Variants in CERS6 observed in about 807,000 individuals in gnomAD.
CERS6 encodes ceramide synthase 6, also known as LAG1 homolog, ceramide synthase 6.
In CERS6, 26 loss-of-function variants were observed where a neutral mutation model predicts 56.8. That is an observed-to-expected ratio of 0.46 (90% CI 0.34 to 0.63). CERS6 has a LOEUF of 0.63. Among genes scored for constraint, CERS6 ranks in the 30% least tolerant of loss-of-function variants. CERS6 has a pLI of 0.01. For synonymous variants in CERS6, 164 were observed against 173.3 expected (o/e 0.95, Z 0.42); for missense variants, 415 against 467.5 (o/e 0.89, Z 1.04).
chr2:168,581,642 C>T (rs1431696248), intron 3 of CERS6, among the ~76,000 whole-genome samples: 1 of 151,886 alleles, frequency 6.6e-6, no homozygotes, highest in Non-Finnish European at 1.5e-5. Flanking sequence ...TTTTAAAAAC[C>T]TGCTTGTTCA....
At chr2:168,747,561 A>G (rs1684143252) in intron 8 of CERS6, among the ~76,000 whole-genome samples, 1 of 152,204 alleles carries the variant, frequency 6.6e-6, no homozygotes, top group South Asian at 2.1e-4. Context: ...CTGGATATAT[A>G]TAGCCAAATT....
At chr2:168,643,885 A>G (rs1448871650) in intron 4 of CERS6, among the ~76,000 whole-genome samples, 1 of 152,188 alleles carries the variant, frequency 6.6e-6, no homozygotes, top group East Asian at 1.9e-4. Context: ...CATATAAGGT[A>G]ACATTCACAA....
intron 3 of CERS6, among the ~76,000 whole-genome samples, chr2:168,602,238 A>T (rs1229412924): frequency 6.6e-6 from 1 of 152,214 alleles, no homozygotes; most frequent in Non-Finnish European, 1.5e-5. Flanking sequence ...AGATCAAGTG[A>T]TATTAAAAAT....
intron 1 of CERS6, among the ~76,000 whole-genome samples, chr2:168,514,874 G>A (rs937111910): frequency 3.9e-5 from 6 of 152,146 alleles, no homozygotes; most frequent in Non-Finnish European, 8.8e-5. Context: ...TGAAGAAGTT[G>A]AATCATATAG....
intron 8 of CERS6, among the ~76,000 whole-genome samples, chr2:168,735,509 C>A (rs1574204151): frequency 6.6e-6 from 1 of 152,082 alleles, no homozygotes; most frequent in East Asian, 1.9e-4. Context: ...TGAGTGTGAT[C>A]CTTGGACATG....
chr2:168,706,826 A>G (rs1258708046), intron 6 of CERS6, among the ~76,000 whole-genome samples: 1 of 152,192 alleles, frequency 6.6e-6, no homozygotes, highest in Non-Finnish European at 1.5e-5. Context: ...ATGTGACTCT[A>G]AGGCAGGGCA....
chr2:168,617,461 T>C (rs1368910483), intron 3 of CERS6, among the ~76,000 whole-genome samples: 1 of 151,926 alleles, frequency 6.6e-6, no homozygotes, highest in Non-Finnish European at 1.5e-5. Context: ...TTTGGAAAGA[T>C]AAAGAAAATT....
At chr2:168,704,811 G>C (rs979588965) in intron 6 of CERS6, among the ~76,000 whole-genome samples, 1 of 152,238 alleles carries the variant, frequency 6.6e-6, no homozygotes, top group Non-Finnish European at 1.5e-5. Context: ...TGTTAGCCAG[G>C]ATGGTCTCGA....
At chr2:168,765,538 T>A (rs1372239814) in intron 8 of CERS6, 54 bp from the exon 9 acceptor site, 1 of 1,585,726 alleles carries the variant, frequency 6.3e-7, no homozygotes, top group East Asian at 2.3e-5. Context: ...CTAGAGTTCC[T>A]TGGAAAGCAA....
chr2:168,578,142 C>G (rs1212147652), intron 3 of CERS6, among the ~76,000 whole-genome samples: 1 of 151,584 alleles, frequency 6.6e-6, no homozygotes, highest in Non-Finnish European at 1.5e-5. Flanking sequence ...TTTGTCAGAC[C>G]AGGCTGTGGA....
chr2:168,654,780 T>A (rs1451654108), intron 4 of CERS6, among the ~76,000 whole-genome samples: 1 of 152,196 alleles, frequency 6.6e-6, no homozygotes, highest in African/African-American at 2.4e-5. Flanking sequence ...ATCCCAATGC[T>A]TATCTCATGG....
chr2:168,731,800 A>C (rs1237104271), intron 8 of CERS6, among the ~76,000 whole-genome samples: 1 of 152,222 alleles, frequency 6.6e-6, no homozygotes, highest in Non-Finnish European at 1.5e-5. Flanking sequence ...AATTCATAAC[A>C]AACTCCTTGT....
chr2:168,538,064 AC>A lies in CERS6; in HGVS notation c.171-9530del, dbSNP rs112030388. ...TCTCACTGCCTCTTTTGCTGCCACC[AC>A]CTCTGGCCTGGATAATTGCAGCAGC... On this transcript the variant is annotated intron_variant, in intron 1 of 9. Coordinates refer to ENST00000305747, the MANE Select transcript of CERS6 (RefSeq NM_203463.3). 4.3e-3 allele frequency among the ~76,000 whole-genome samples: 647 copies of A among 151,378 alleles called. 5 individuals carry two copies. Among genetic ancestry groups the A allele is most frequent in the African/African-American group, 0.014 (589 of 41,244 alleles).
At chr2:168,708,214 A>G (rs1233862038) in intron 6 of CERS6, among the ~76,000 whole-genome samples, 1 of 152,018 alleles carries the variant, frequency 6.6e-6, no homozygotes, top group African/African-American at 2.4e-5. Context: ...CACCATCTCC[A>G]TCTGTTTATT....
rs1362607783 is a variant in CERS6, at chr2:168,596,213, G to C, written c.408-34772G>C. 2.0e-5 allele frequency among the ~76,000 whole-genome samples: 3 copies of C among 152,180 alleles called. No homozygotes were observed. In the East Asian group the frequency reaches 5.8e-4, roughly 29 times the overall value. ...ATGAACCACAAAGAGAAGAGGTTCT[G>C]TGGTTATAAGATGAGTGGCTTTGGT... On this transcript the variant is annotated intron_variant, in intron 3 of 9. Transcript: ENST00000305747.
At chr2:168,534,984 G>A (rs1695233877) in intron 1 of CERS6, among the ~76,000 whole-genome samples, 1 of 152,234 alleles carries the variant, frequency 6.6e-6, no homozygotes, top group Non-Finnish European at 1.5e-5. Flanking sequence ...GCCTGAGGAG[G>A]CACTCTGGCT....
intron 4 of CERS6, among the ~76,000 whole-genome samples, chr2:168,643,715 A>G (rs956341243): frequency 1.3e-5 from 2 of 152,128 alleles, no homozygotes; most frequent in East Asian, 3.9e-4. Context: ...TCCTTGGCTC[A>G]TGGCAGCTTC....
chr2:168,482,166 AATGATG>A (rs1055462259), intron 1 of CERS6, among the ~76,000 whole-genome samples: 2 of 152,246 alleles, frequency 1.3e-5, no homozygotes, highest in African/African-American at 4.8e-5. Flanking sequence ...ATGAATCTTG[AATGATG>A]ATGGTTAGTG....
Position 168,691,046 on chromosome 2 carries a change from T to G in CERS6, c.478T>G (p.Trp160Gly), listed in dbSNP as rs780000319. ...VRFLKKTPWL[W>G]NTRHCWYNYP... ...TCATTTTTTTCAGACCCCCTGGTTG[T>G]GGAATACGAGGCATTGCTGGTACAA... The change falls in exon 5 of 10, where the codon TGG (tryptophan) becomes GGG (glycine). Residue 160 changes from tryptophan (W) to glycine (G), a missense_variant. By Grantham distance (184) the Trp-to-Gly change is radical. Coordinates refer to ENST00000305747, the MANE Select transcript of CERS6 (RefSeq NM_203463.3). The G allele has an allele frequency of 6.2e-7, 1 of 1,613,310 alleles. No individual in the cohort carries two copies. Among genetic ancestry groups the G allele is most frequent in the South Asian group, 1.1e-5 (1 of 91,054 alleles).
Sources: allele counts gnomAD v4.1 joint callset (sites outside exome capture counted in the v4.1 genomes callset), GRCh38; gene constraint gnomAD v4.1.1; transcripts MANE v1.5; gene names NCBI Gene and HGNC (gene_info 2026-07-23, HGNC 2026-07-21).